Variants in SLC4A4 observed in about 807,000 individuals in gnomAD.
The protein encoded by SLC4A4 is solute carrier family 4 member 4, also known as electrogenic sodium bicarbonate cotransporter 1.
Under a neutral mutation model 111.5 loss-of-function variants are expected in SLC4A4, and 27 were observed. That is an observed-to-expected ratio of 0.24 (90% CI 0.18 to 0.33). SLC4A4 has a LOEUF of 0.33. Ranked by LOEUF, SLC4A4 falls within the 10% of genes least tolerant of loss-of-function variation. The probability of loss-of-function intolerance (pLI) is 1.00; values close to 1 mark genes in which losing one functional copy is unlikely to be tolerated. For missense variants in SLC4A4, 909 were observed against 1,315.5 expected (o/e 0.69, Z 4.78); for synonymous variants, 443 against 463.4 (o/e 0.96, Z 0.57).
chr4:71,278,541 G>A (rs1372106096), intron 3 of SLC4A4, among the ~76,000 whole-genome samples: 1 of 152,120 alleles, frequency 6.6e-6, no homozygotes, highest in Non-Finnish European at 1.5e-5. Context: ...CATAATGGCT[G>A]TACCAGTTTA....
At chr4:71,493,430 T>G (rs1489653688) in intron 15 of SLC4A4, among the ~76,000 whole-genome samples, 4 of 152,046 alleles carry the variant, frequency 2.6e-5, no homozygotes, top group Non-Finnish European at 4.4e-5. Flanking sequence ...ATTCCAGACA[T>G]GATGACAGAT....
chr4:71,239,821 A>G (rs955241536), intron 2 of SLC4A4, among the ~76,000 whole-genome samples: 10 of 152,198 alleles, frequency 6.6e-5, no homozygotes, highest in Non-Finnish European at 1.5e-4. Flanking sequence ...ACCTTGTACT[A>G]TGCGTGGTTT....
chr4:71,389,702 T>C (rs2148965363), intron 6 of SLC4A4, among the ~76,000 whole-genome samples: 1 of 152,234 alleles, frequency 6.6e-6, no homozygotes, highest in African/African-American at 2.4e-5. Flanking sequence ...AAATGGACTT[T>C]GCACAGTAGT....
At chr4:71,111,972 C>A (rs770266073) in intron 2 of SLC4A4, among the ~76,000 whole-genome samples, 2 of 152,216 alleles carry the variant, frequency 1.3e-5, no homozygotes, top group Non-Finnish European at 2.9e-5. Context: ...GCTGAGATTA[C>A]AGACGTGAAC....
At chr4:71,400,739 T>C (rs775069690) in intron 7 of SLC4A4, among the ~76,000 whole-genome samples, 10 of 152,072 alleles carry the variant, frequency 6.6e-5, no homozygotes, top group Non-Finnish European at 1.3e-4. Flanking sequence ...TAACTTCAAA[T>C]ACAAAAACTC....
At chr4:71,417,924 C>T (rs762737035) in intron 7 of SLC4A4, among the ~76,000 whole-genome samples, 1 of 152,086 alleles carries the variant, frequency 6.6e-6, no homozygotes, top group Admixed American at 6.5e-5. Flanking sequence ...GACCTTTACG[C>T]TTTTGAGACT....
intron 15 of SLC4A4, among the ~76,000 whole-genome samples, chr4:71,493,034 G>A (rs894093770): frequency 2.6e-5 from 4 of 151,670 alleles, no homozygotes; most frequent in East Asian, 1.9e-4. Context: ...GGTTACATTC[G>A]TTCATTCATG....
At chr4:71,450,275 C>T in intron 9 of SLC4A4, 114 bp from the exon 10 acceptor site, 1 of 794,892 alleles carries the variant, frequency 1.3e-6, no homozygotes, top group South Asian at 1.4e-5. Flanking sequence ...CAGAGCATGG[C>T]TGGATTAATA....
In SLC4A4 at chr4:71,567,039, T is replaced by A; in HGVS notation, c.3232T>A (p.Ser1078Thr). ...ACCAACATTCCTTGAACGCCACACA[T>A]CATGCTGATAAAATTCCTTTCCTTC... ...RSPTFLERHT[S>T]C is the part of the protein sequence containing the mutation. The change falls in exon 25 of 26, where the codon TCA becomes ACA. Residue 1078 changes from serine (S) to threonine (T), a missense_variant. Transcript: ENST00000264485. The A allele has an allele frequency of 1.9e-6, 3 of 1,610,316 alleles. No homozygotes were observed. The highest frequency in any genetic ancestry group is 2.5e-6 in the Non-Finnish European group (3 of 1,177,628).
intron 24 of SLC4A4, among the ~76,000 whole-genome samples, chr4:71,566,385 A>T (rs191123444): frequency 2.2e-4 from 34 of 151,906 alleles, no homozygotes; most frequent in Non-Finnish European, 4.7e-4. Flanking sequence ...TGTAAAAGCT[A>T]TTTTTTAAAA....
chr4:71,321,203 A>G (rs1727092859), intron 3 of SLC4A4, among the ~76,000 whole-genome samples: 1 of 152,034 alleles, frequency 6.6e-6, no homozygotes, highest in Admixed American at 6.6e-5. Flanking sequence ...GATATGAATA[A>G]TTTAGAAGGA....
intron 2 of SLC4A4, among the ~76,000 whole-genome samples, chr4:71,240,322 G>A (rs1481323013): frequency 2.0e-5 from 3 of 152,150 alleles, no homozygotes; most frequent in Non-Finnish European, 4.4e-5. Context: ...GCTCTGCAAG[G>A]CTAGGTAACT....
At chr4:71,488,049 T>C (rs1729580997) in intron 15 of SLC4A4, among the ~76,000 whole-genome samples, 1 of 151,430 alleles carries the variant, frequency 6.6e-6, no homozygotes, top group East Asian at 1.9e-4. Context: ...CTAAAAGGTC[T>C]TGCCTAAATA....
At chr4:71,124,436 C>T (rs1041966812) in intron 2 of SLC4A4, among the ~76,000 whole-genome samples, 1 of 151,994 alleles carries the variant, frequency 6.6e-6, no homozygotes, top group Admixed American at 6.6e-5. Context: ...TCCCAAAGTG[C>T]TGGGATTACG....
chr4:71,088,810 C>T (rs935236441), intron 1 of SLC4A4, among the ~76,000 whole-genome samples: 2 of 151,950 alleles, frequency 1.3e-5, no homozygotes, highest in East Asian at 1.9e-4. Context: ...GTGGGTAACC[C>T]GACCTTTCTC....
chr4:71,522,095 C>T (rs56760666), intron 16 of SLC4A4, among the ~76,000 whole-genome samples: 2,108 of 152,256 alleles, frequency 0.014, 35 homozygotes, highest in South Asian at 0.065. Context: ...CCCTAATGCT[C>T]AGTGGAACAT....
intron 7 of SLC4A4, among the ~76,000 whole-genome samples, chr4:71,409,741 T>C (rs1425539110): frequency 1.3e-5 from 2 of 152,130 alleles, no homozygotes; most frequent in Non-Finnish European, 1.5e-5. Flanking sequence ...CCCAAGACCA[T>C]GGGAAAATGT....
chr4:71,123,259 G>A (rs971315700), intron 2 of SLC4A4, among the ~76,000 whole-genome samples: 1 of 152,116 alleles, frequency 6.6e-6, no homozygotes, highest in Non-Finnish European at 1.5e-5. Context: ...TAGATCAAAA[G>A]GGCACCTTGA....
chr4:71,528,625 A>C lies in SLC4A4; in HGVS notation c.2167-3437A>C, dbSNP rs115555195. Reference sequence around the variant, plus strand: ...CTTCTGACAGGAATTTATTCTAAGGAAACAGTCTTATATATATGTGCAAAG... The same window carrying C: ...CTTCTGACAGGAATTTATTCTAAGGCAACAGTCTTATATATATGTGCAAAG... On this transcript the variant is annotated intron_variant, in intron 16 of 25. Coordinates refer to ENST00000264485, the MANE Select transcript of SLC4A4 (RefSeq NM_001098484.3). Among the ~76,000 whole-genome samples, 1,111 of 152,200 alleles carry C rather than the reference A, an allele frequency of 7.3e-3. 8 individuals carry two copies. The highest frequency in any genetic ancestry group is 0.013 in the Non-Finnish European group (877 of 67,974).
Sources: allele counts gnomAD v4.1 joint callset (sites outside exome capture counted in the v4.1 genomes callset), GRCh38; gene constraint gnomAD v4.1.1; transcripts MANE v1.5; gene names NCBI Gene and HGNC (gene_info 2026-07-23, HGNC 2026-07-21).